ENTREP2: variants seen among roughly 807,000 people sequenced by gnomAD.
The protein encoded by ENTREP2 is endosomal transmembrane epsin interactor 2.
the ENTREP2 span, chr15:29,136,366 C>T: frequency 6.7e-7 from 1 of 1,502,486 alleles, no homozygotes; most frequent in Non-Finnish European, 8.8e-7. Context: ...CAGGCCTCAC[C>T]TGGCTGGCAG....
the ENTREP2 span, among the ~76,000 whole-genome samples, chr15:29,136,146 T>C: frequency 6.6e-6 from 1 of 152,204 alleles, no homozygotes; most frequent in Middle Eastern, 3.2e-3. Context: ...TGTGGCCTCA[T>C]CTACAGCACA....
the ENTREP2 span, among the ~76,000 whole-genome samples, chr15:29,324,276 A>G: frequency 0.041 from 6,241 of 151,848 alleles, 415 homozygotes; most frequent in African/African-American, 0.14. Context: ...TATTTTTATT[A>G]TTATTATTTT....
At chr15:29,621,416 G>C in the ENTREP2 span, among the ~76,000 whole-genome samples, 2 of 150,384 alleles carry the variant, frequency 1.3e-5, no homozygotes, top group South Asian at 2.1e-4. Flanking sequence ...CCAGCTACTC[G>C]GGAGGCTGAG....
At chr15:29,386,357 T>C in the ENTREP2 span, among the ~76,000 whole-genome samples, 2 of 152,070 alleles carry the variant, frequency 1.3e-5, no homozygotes, top group Non-Finnish European at 1.5e-5. Context: ...CCCCAAAACC[T>C]ACCCATCTTC....
At chr15:29,510,712 C>T in the ENTREP2 span, among the ~76,000 whole-genome samples, 1 of 151,074 alleles carries the variant, frequency 6.6e-6, no homozygotes, top group African/African-American at 2.4e-5. Flanking sequence ...GAGGCTGAGG[C>T]AGGAGAATGG....
chr15:29,423,641 A>T, the ENTREP2 span, among the ~76,000 whole-genome samples: 1 of 151,890 alleles, frequency 6.6e-6, no homozygotes, highest in African/African-American at 2.4e-5. Context: ...CAAAAAAAAA[A>T]AAAAAAATTA....
At chr15:29,231,271 C>T in the ENTREP2 span, among the ~76,000 whole-genome samples, 53,933 of 151,942 alleles carry the variant, frequency 0.35, 10,375 homozygotes, top group East Asian at 0.6. Flanking sequence ...ACCTCTTACA[C>T]AGCATCTCTA....
the ENTREP2 span, among the ~76,000 whole-genome samples, chr15:29,560,322 C>G: frequency 6.6e-6 from 1 of 152,092 alleles, no homozygotes; most frequent in Non-Finnish European, 1.5e-5. Flanking sequence ...ATGACTTGTC[C>G]AAGTGCAGAT....
the ENTREP2 span, among the ~76,000 whole-genome samples, chr15:29,400,603 G>T: frequency 1.3e-5 from 2 of 152,272 alleles, no homozygotes; most frequent in East Asian, 1.9e-4. Flanking sequence ...AAATTCCAGA[G>T]AAATCAAAGA....
chr15:29,158,894 C>A, the ENTREP2 span, among the ~76,000 whole-genome samples: 2 of 152,148 alleles, frequency 1.3e-5, no homozygotes, highest in African/African-American at 4.8e-5. Flanking sequence ...GGCAAAGCTA[C>A]AGTTGATAAA....
chr15:29,542,009 ATTGGTTTGGT>A, the ENTREP2 span, among the ~76,000 whole-genome samples: 5 of 151,784 alleles, frequency 3.3e-5, no homozygotes, highest in South Asian at 2.1e-4. Context: ...GGTAGGGTTT[ATTGGTTTGGT>A]TTGGTTTGGT....
chr15:29,253,367 G>C, the ENTREP2 span, among the ~76,000 whole-genome samples: 1 of 151,792 alleles, frequency 6.6e-6, no homozygotes, highest in Middle Eastern at 3.2e-3. Flanking sequence ...CATTTCTCTA[G>C]CCTCTGTATT....
chr15:29,404,656 T>C, the ENTREP2 span, among the ~76,000 whole-genome samples: 1 of 151,774 alleles, frequency 6.6e-6, no homozygotes, highest in Admixed American at 6.6e-5. Flanking sequence ...GTATCTATCC[T>C]GGGAGAGCCT....
the ENTREP2 span, among the ~76,000 whole-genome samples, chr15:29,211,541 T>A: frequency 6.6e-6 from 1 of 152,216 alleles, no homozygotes; most frequent in African/African-American, 2.4e-5. Context: ...AGAGTGGGCA[T>A]CCTTGTCTTG....
At chr15:29,651,406 G>A in the ENTREP2 span, among the ~76,000 whole-genome samples, 1 of 152,334 alleles carries the variant, frequency 6.6e-6, no homozygotes, top group East Asian at 1.9e-4. Flanking sequence ...GGTGATAGCA[G>A]AAGCGGCCCA....
the ENTREP2 span, among the ~76,000 whole-genome samples, chr15:29,523,764 T>C: frequency 6.6e-6 from 1 of 151,854 alleles, no homozygotes; most frequent in East Asian, 1.9e-4. Flanking sequence ...TCAACAAGAG[T>C]GTCAAGTCAG....
chr15:29,640,592 G>A, the ENTREP2 span, among the ~76,000 whole-genome samples: 2 of 151,982 alleles, frequency 1.3e-5, no homozygotes, highest in Non-Finnish European at 2.9e-5. Context: ...GAGCCCAGGA[G>A]GTCAAGGCTG....
chr15:29,466,950 G>A, the ENTREP2 span, among the ~76,000 whole-genome samples: 9 of 128,022 alleles, frequency 7.0e-5, no homozygotes, highest in African/African-American at 2.4e-4. Flanking sequence ...GCCCCCAGGG[G>A]AGGGCCCAGG....
the ENTREP2 span, among the ~76,000 whole-genome samples, chr15:29,521,213 G>A: frequency 6.6e-6 from 1 of 152,152 alleles, no homozygotes; most frequent in Non-Finnish European, 1.5e-5. Flanking sequence ...CCAGTGCCGA[G>A]GTGGAAAAAT....
Sources: allele counts gnomAD v4.1 joint callset (sites outside exome capture counted in the v4.1 genomes callset), GRCh38; gene constraint gnomAD v4.1.1; transcripts MANE v1.5; gene names NCBI Gene and HGNC (gene_info 2026-07-23, HGNC 2026-07-21).